Variants in MALRD1 observed in about 807,000 individuals in gnomAD.
MALRD1 encodes the protein MAM and LDL receptor class A domain containing 1.
A neutral mutation model predicts 242.1 loss-of-function variants in MALRD1; 247 were observed. The ratio of observed to expected loss-of-function variants is 1.02; its 90% CI spans 0.92 to 1.13. The LOEUF is 1.13. Ranked by LOEUF, MALRD1 falls within the 50% of genes most tolerant of loss-of-function variation. MALRD1 has a pLI of 0.00. For missense variants in MALRD1, 2,989 were observed against 2,533.1 expected, an observed-to-expected ratio of 1.18 and a Z score of -3.86; for synonymous variants, 995 against 866.6, an observed-to-expected ratio of 1.15 and a Z score of -2.60.
rs191706182 is a variant in MALRD1, at chr10:19,324,234, A to G, written c.3576+129A>G. 4.8e-5 allele frequency: 44 copies of G among 907,218 alleles called. No homozygotes were observed. In the East Asian group the frequency reaches 1.2e-3, roughly 24 times the overall value. The allele number at this position is 907,218 out of a possible 1,614,324, so 56.2% of individuals were successfully genotyped here. ...ATTACCAACACTTCACTAGATTTAT[A>G]GTGGTATATGGAGTAAAAGCTTTAG... On this transcript the variant is annotated intron_variant, in intron 22 of 39. Coordinates refer to ENST00000454679, the MANE Select transcript of MALRD1 (RefSeq NM_001142308.3).
chr10:19,449,030 A>G (rs1835160918), intron 28 of MALRD1, among the ~76,000 whole-genome samples: 1 of 152,188 alleles, frequency 6.6e-6, no homozygotes, highest in African/African-American at 2.4e-5. Flanking sequence ...CAATATGAGT[A>G]GAAGTTTGGA....
intron 26 of MALRD1, among the ~76,000 whole-genome samples, chr10:19,364,478 ATAAACT>A (rs570426936): frequency 3.9e-5 from 6 of 152,242 alleles, no homozygotes; most frequent in Admixed American, 2.0e-4. Flanking sequence ...TGTGTTTCTG[ATAAACT>A]TAATCTTTAC....
intron 18 of MALRD1, among the ~76,000 whole-genome samples, chr10:19,232,014 T>C (rs1483538283): frequency 1.3e-5 from 2 of 152,120 alleles, no homozygotes; most frequent in African/African-American, 2.4e-5. Context: ...TGCTCTTTTA[T>C]AGAGAAAATA....
At chr10:19,475,144 A>G (rs987693730) in intron 29 of MALRD1, among the ~76,000 whole-genome samples, 1 of 152,222 alleles carries the variant, frequency 6.6e-6, no homozygotes, top group African/African-American at 2.4e-5. Flanking sequence ...GGCCGGGCGC[A>G]GTGGCTCACG....
chr10:19,132,172 G>A (rs1235782947), intron 8 of MALRD1, among the ~76,000 whole-genome samples: 5 of 152,178 alleles, frequency 3.3e-5, no homozygotes, highest in Non-Finnish European at 7.4e-5. Flanking sequence ...GAGCACAATA[G>A]CTCTAAATTA....
intron 19 of MALRD1, among the ~76,000 whole-genome samples, chr10:19,278,068 C>A (rs1052452393): frequency 1.3e-5 from 2 of 152,076 alleles, no homozygotes; most frequent in African/African-American, 4.8e-5. Flanking sequence ...TTCAGACTCC[C>A]AGGTTGATTT....
At chr10:19,098,213 G>A (rs1185245426) in intron 4 of MALRD1, among the ~76,000 whole-genome samples, 2 of 152,128 alleles carry the variant, frequency 1.3e-5, no homozygotes, top group African/African-American at 4.8e-5. Context: ...TTACTACTAA[G>A]TATATCACTG....
chr10:19,156,538 C>G (rs1834154788), intron 12 of MALRD1, among the ~76,000 whole-genome samples: 1 of 143,116 alleles, frequency 7.0e-6, no homozygotes. Flanking sequence ...AGATTTAATT[C>G]AAGGTCATAC....
chr10:19,398,650 AACTC>A (rs1220344435), intron 28 of MALRD1, among the ~76,000 whole-genome samples: 1 of 152,194 alleles, frequency 6.6e-6, no homozygotes, highest in Non-Finnish European at 1.5e-5. Flanking sequence ...TCCATGTTAT[AACTC>A]TCTTGAAAAT....
intron 35 of MALRD1, among the ~76,000 whole-genome samples, chr10:19,612,301 G>A (rs1226462400): frequency 6.6e-6 from 1 of 151,864 alleles, no homozygotes; most frequent in Non-Finnish European, 1.5e-5. Flanking sequence ...ATGCCCCCCA[G>A]TCCTGAGGTA....
At chr10:19,459,458 C>A (rs994501551) in intron 29 of MALRD1, among the ~76,000 whole-genome samples, 1 of 152,108 alleles carries the variant, frequency 6.6e-6, no homozygotes, top group Non-Finnish European at 1.5e-5. Flanking sequence ...CCATGATCAA[C>A]TAACTGCATT....
At chr10:19,333,268 C>G (rs183944878) in intron 24 of MALRD1, among the ~76,000 whole-genome samples, 3 of 152,178 alleles carry the variant, frequency 2.0e-5, no homozygotes, top group Admixed American at 2.0e-4. Flanking sequence ...GCATAGGACA[C>G]AATAGATTTT....
intron 31 of MALRD1, among the ~76,000 whole-genome samples, chr10:19,505,290 G>C (rs1033367190): frequency 4.6e-5 from 7 of 152,170 alleles, no homozygotes; most frequent in African/African-American, 1.7e-4. Context: ...AGAATTCCTA[G>C]GTTGAAGTGC....
At chr10:19,337,754 A>G (rs895003134) in intron 24 of MALRD1, among the ~76,000 whole-genome samples, 13 of 152,092 alleles carry the variant, frequency 8.5e-5, no homozygotes, top group Non-Finnish European at 1.8e-4. Flanking sequence ...TAGGTTTACA[A>G]CAAACTGAGT....
intron 33 of MALRD1, among the ~76,000 whole-genome samples, chr10:19,587,031 ACTCCCT>A (rs1252363397): frequency 6.6e-6 from 1 of 152,098 alleles, no homozygotes; most frequent in East Asian, 1.9e-4. Flanking sequence ...AGGAAAGGGA[ACTCCCT>A]GACCCCTTGC....
intron 28 of MALRD1, among the ~76,000 whole-genome samples, chr10:19,423,006 G>C (rs1833772175): frequency 6.6e-6 from 1 of 152,150 alleles, no homozygotes; most frequent in African/African-American, 2.4e-5. Flanking sequence ...AGCCCTTGCA[G>C]TGCTCACCAT....
At chr10:19,269,163 T>C (rs1225198777) in intron 19 of MALRD1, among the ~76,000 whole-genome samples, 1 of 152,254 alleles carries the variant, frequency 6.6e-6, no homozygotes, top group African/African-American at 2.4e-5. Flanking sequence ...ATAAGCTTTG[T>C]AATAAGTTGA....
At chr10:19,691,851 T>C (rs1000769379) in intron 36 of MALRD1, among the ~76,000 whole-genome samples, 1 of 152,118 alleles carries the variant, frequency 6.6e-6, no homozygotes, top group South Asian at 2.1e-4. Context: ...TGTTCTTTGG[T>C]TTGTATTTAT....
chr10:19,282,865 C>A (rs1040294249), intron 20 of MALRD1, among the ~76,000 whole-genome samples, 154 bp from the exon 21 acceptor site: 5 of 152,122 alleles, frequency 3.3e-5, no homozygotes, highest in Non-Finnish European at 7.3e-5. Context: ...TGAAACTCTT[C>A]CAGTGATTTT....
Sources: gnomAD v4.1 joint callset for allele counts (sites outside exome capture counted in the v4.1 genomes callset) on GRCh38, gnomAD v4.1.1 for gene constraint, MANE v1.5 for transcripts, NCBI Gene and HGNC (gene_info 2026-07-23, HGNC 2026-07-21) for gene names.